Variants in PLEKHA7 observed in about 807,000 individuals in gnomAD.
PLEKHA7 encodes pleckstrin homology domain containing A7.
Under a neutral mutation model 170.0 loss-of-function variants are expected in PLEKHA7, and 104 were observed. The observed-to-expected ratio is 0.61, with a 90% confidence interval of 0.52 to 0.72. PLEKHA7 has a LOEUF of 0.72. PLEKHA7 is among the 30% of genes least tolerant of loss of function. The pLI, the probability that PLEKHA7 is intolerant of heterozygous loss-of-function variation, is 0.00. For missense variants in PLEKHA7, 1,615 were observed against 1,671.7 expected (o/e 0.97, Z 0.59); for synonymous variants, 648 against 660.8 (o/e 0.98, Z 0.30).
chr11:16,949,148 G>T (rs1307299007), intron 3 of PLEKHA7, among the ~76,000 whole-genome samples: 1 of 151,274 alleles, frequency 6.6e-6, no homozygotes, highest in Non-Finnish European at 1.5e-5. Flanking sequence ...TCTCTATTTA[G>T]CAAGCTTTAT....
chr11:16,864,428 C>T (rs1590384352), intron 4 of PLEKHA7, among the ~76,000 whole-genome samples: 2 of 152,176 alleles, frequency 1.3e-5, no homozygotes, highest in South Asian at 2.1e-4. Context: ...AGGTAAAATA[C>T]TTCATTTAAT....
intron 3 of PLEKHA7, among the ~76,000 whole-genome samples, chr11:16,936,504 A>G (rs918124040): frequency 2.6e-5 from 4 of 152,000 alleles, no homozygotes; most frequent in Non-Finnish European, 4.4e-5. Flanking sequence ...AATCAAAAGC[A>G]CCATCAAATG....
chr11:16,884,379 T>A (rs1368568418), intron 3 of PLEKHA7, among the ~76,000 whole-genome samples: 2 of 152,244 alleles, frequency 1.3e-5, no homozygotes, highest in African/African-American at 4.8e-5. Flanking sequence ...ATGCCTATAA[T>A]CCCAACACTT....
At chr11:16,829,158 T>G (rs1172817013) in intron 9 of PLEKHA7, among the ~76,000 whole-genome samples, 9 of 151,456 alleles carry the variant, frequency 5.9e-5, no homozygotes, top group Non-Finnish European at 1.2e-4. Context: ...TGCATGCATG[T>G]TTTAATTAGC....
chr11:16,805,599 G>A (rs1278917194), intron 13 of PLEKHA7, among the ~76,000 whole-genome samples: 1 of 151,888 alleles, frequency 6.6e-6, no homozygotes, highest in African/African-American at 2.4e-5. Flanking sequence ...AGATCAGTCT[G>A]GCCAACATGG....
chr11:16,807,397 T>A (rs192822060), intron 13 of PLEKHA7, among the ~76,000 whole-genome samples: 2 of 152,234 alleles, frequency 1.3e-5, no homozygotes, highest in Admixed American at 1.3e-4. Flanking sequence ...CATGGGACCG[T>A]GGATGCTCCT....
intron 4 of PLEKHA7, among the ~76,000 whole-genome samples, chr11:16,862,913 C>G (rs1854082935): frequency 6.6e-6 from 1 of 152,128 alleles, no homozygotes; most frequent in Non-Finnish European, 1.5e-5. Flanking sequence ...AAAGCTAGCC[C>G]AAGACTGCCA....
Position 16,816,869 on chromosome 11 carries a change from C to T in PLEKHA7, c.1797G>A (p.Pro599=), listed in dbSNP as rs146554999. Residue 599 remains proline (P), a synonymous_variant, in exon 11 of 27, where the codon CCG becomes CCA. Transcript: ENST00000531066. Reference sequence around the variant, plus strand: ...AGATGTCCACACTCCTCCTCTGGTCCGGTGGCTTCACTGTGACTCGCTCTG... The same window carrying T: ...AGATGTCCACACTCCTCCTCTGGTCTGGTGGCTTCACTGTGACTCGCTCTG... The part of the protein sequence containing the change: ...TPAERVTVKP[P]DQRRSVDISL... The T allele has an allele frequency of 1.9e-5, 30 of 1,614,088 alleles. 1 individual carries two copies. The highest frequency in any genetic ancestry group is 9.3e-5 in the African/African-American group (7 of 75,024).
intron 3 of PLEKHA7, among the ~76,000 whole-genome samples, chr11:16,918,747 C>T (rs1858872468): frequency 6.6e-6 from 1 of 152,222 alleles, no homozygotes; most frequent in Non-Finnish European, 1.5e-5. Flanking sequence ...TCTGCCACAT[C>T]TTGTCCAACC....
At chr11:16,819,456 A>T (rs1850044307) in intron 10 of PLEKHA7, among the ~76,000 whole-genome samples, 1 of 152,242 alleles carries the variant, frequency 6.6e-6, no homozygotes, top group Non-Finnish European at 1.5e-5. Flanking sequence ...ATGGAATTTT[A>T]CTAAGCCTGA....
Position 16,841,565 on chromosome 11 carries a change from G to C in PLEKHA7, c.854C>G (p.Ser285Cys). 1 of 1,613,710 alleles carries C rather than the reference G, an allele frequency of 6.2e-7. No homozygotes were observed. Among genetic ancestry groups the C allele is most frequent in the Non-Finnish European group, 8.5e-7 (1 of 1,180,002 alleles). The change falls in exon 9 of 27, where the codon TCT (serine) becomes TGT (cysteine). Residue 285 changes from serine (S) to cysteine (C), a missense_variant. Transcript: ENST00000531066. ...RAMNQAAQVLSRSSLKRDMEK... is the reference protein window; with the variant it reads ...RAMNQAAQVLCRSSLKRDMEK... ...AACTAACCTCTTCAGTGACGATCGA[G>C]ACAGCACCTGTGCAGCCTGGTTCAT...
intron 3 of PLEKHA7, among the ~76,000 whole-genome samples, chr11:17,006,998 G>A (rs921484735): frequency 9.2e-5 from 14 of 152,192 alleles, no homozygotes; most frequent in Non-Finnish European, 1.5e-4. Context: ...TATCTCCAGA[G>A]GTAACCTTCT....
chr11:16,786,757 G>A (rs1246375909), intron 23 of PLEKHA7: 1 of 985,274 alleles, frequency 1.0e-6, no homozygotes, highest in Admixed American at 6.1e-5. Flanking sequence ...AGCTGGTTCA[G>A]GAGACATACG....
intron 4 of PLEKHA7, among the ~76,000 whole-genome samples, chr11:16,866,331 C>T (rs1854388703): frequency 6.6e-6 from 1 of 150,896 alleles, no homozygotes; most frequent in Non-Finnish European, 1.5e-5. Context: ...GTAGCTCATG[C>T]CTGTAATCCC....
intron 17 of PLEKHA7, among the ~76,000 whole-genome samples, chr11:16,795,729 C>T (rs1350863092): frequency 6.6e-6 from 1 of 150,400 alleles, no homozygotes; most frequent in African/African-American, 2.4e-5. Flanking sequence ...GCAGAGGTTG[C>T]AGTGAGCCGA....
intron 3 of PLEKHA7, among the ~76,000 whole-genome samples, chr11:16,939,979 G>A (rs1410441795): frequency 6.6e-6 from 1 of 152,152 alleles, no homozygotes; most frequent in Non-Finnish European, 1.5e-5. Flanking sequence ...AAGTGAGTAA[G>A]AAACCCAATG....
At chr11:16,794,389 C>T in intron 19 of PLEKHA7, 99 bp downstream of exon 19, 1 of 1,226,114 alleles carries the variant, frequency 8.2e-7, no homozygotes, top group East Asian at 2.3e-5. Context: ...TGGCTGGGTC[C>T]ATTTCCCCAA....
At chr11:16,920,732 G>A (rs888247736) in intron 3 of PLEKHA7, among the ~76,000 whole-genome samples, 21 of 152,174 alleles carry the variant, frequency 1.4e-4, no homozygotes, top group African/African-American at 4.8e-4. Flanking sequence ...CAGGAACTAT[G>A]CCCACTCTGA....
chr11:16,789,274 C>A lies in PLEKHA7; in HGVS notation c.3179G>T (p.Arg1060Leu). The A allele has an allele frequency of 6.2e-7, 1 of 1,613,502 alleles. No individual in the cohort carries two copies. Among genetic ancestry groups the A allele is most frequent in the Non-Finnish European group, 8.5e-7 (1 of 1,180,018 alleles). Residue 1060 changes from arginine (R) to leucine (L), a missense_variant, in exon 23 of 27, where the codon CGC (arginine) becomes CTC (leucine). Physicochemically the swap from Arg to Leu is moderately radical, Grantham distance 102. Transcript: ENST00000531066. The surrounding 1 kb of genome is among the most constrained non-coding windows in gnomAD (Gnocchi z 4.6). ...TFPRPKSALERLYSGDHQRGK... is the reference protein window; with the variant it reads ...TFPRPKSALELLYSGDHQRGK... ...TCGCTGGTGATCCCCTGAGTACAGGCGCTCCAAGGCACTCTTAGGTCTCTG... is the reference window on the plus strand; with the variant it reads ...TCGCTGGTGATCCCCTGAGTACAGGAGCTCCAAGGCACTCTTAGGTCTCTG...
Sources: allele counts gnomAD v4.1 joint callset (sites outside exome capture counted in the v4.1 genomes callset), GRCh38; gene constraint gnomAD v4.1.1; non-coding constraint Gnocchi (gnomAD v3.1); transcripts MANE v1.5; gene names NCBI Gene and HGNC (gene_info 2026-07-23, HGNC 2026-07-21).